EYS: variants seen among roughly 807,000 people sequenced by gnomAD.
The protein encoded by EYS is protein eyes shut homolog.
A neutral mutation model predicts 282.1 loss-of-function variants in EYS; 250 were observed. The observed-to-expected ratio is 0.89, with a 90% CI of 0.80 to 0.98. The LOEUF is 0.98. Ranked by LOEUF, EYS falls within the 50% of genes least tolerant of loss-of-function variation. EYS has a pLI of 0.00. For synonymous variants in EYS, 1,355 were observed against 1,282.9 expected (o/e 1.06, Z -1.20); for missense variants, 4,016 against 3,709.0 (o/e 1.08, Z -2.15).
intron 14 of EYS, among the ~76,000 whole-genome samples, chr6:64,956,370 G>T (rs1769700799): frequency 6.6e-6 from 1 of 152,100 alleles, no homozygotes; most frequent in Admixed American, 6.5e-5. Context: ...AATGGTGCTG[G>T]GAAAGCTGGA....
chr6:64,098,397 G>C (rs1191885616), intron 31 of EYS, among the ~76,000 whole-genome samples: 1 of 151,938 alleles, frequency 6.6e-6, no homozygotes, highest in Admixed American at 6.5e-5. Flanking sequence ...TTGAGCAAAA[G>C]GAGCAAGCTG....
chr6:64,649,349 T>A (rs1170540715), intron 22 of EYS, among the ~76,000 whole-genome samples: 1 of 151,894 alleles, frequency 6.6e-6, no homozygotes, highest in Non-Finnish European at 1.5e-5. Context: ...ACTGCCTTTT[T>A]TTTTTGAGAT....
At chr6:64,593,371 T>C in intron 24 of EYS, 62 bp from the exon 25 acceptor site, 4 of 1,363,300 alleles carry the variant, frequency 2.9e-6, no homozygotes, top group Non-Finnish European at 4.0e-6. Flanking sequence ...AGAGAAATTG[T>C]AAAGTTTGTT....
intron 21 of EYS, among the ~76,000 whole-genome samples, chr6:64,819,388 A>G (rs1436295080): frequency 6.6e-6 from 1 of 152,132 alleles, no homozygotes; most frequent in Non-Finnish European, 1.5e-5. Context: ...CAATTATTCT[A>G]GATAGTACTG....
chr6:64,111,672 G>A (rs1343743288), intron 31 of EYS, among the ~76,000 whole-genome samples: 1 of 151,922 alleles, frequency 6.6e-6, no homozygotes, highest in Non-Finnish European at 1.5e-5. Context: ...GTAAAGTGGT[G>A]GCCATGAATT....
intron 2 of EYS, among the ~76,000 whole-genome samples, chr6:65,633,713 C>G (rs1766997704): frequency 6.6e-6 from 1 of 152,166 alleles, no homozygotes; most frequent in Admixed American, 6.6e-5. Context: ...ACAAACTGGC[C>G]CTTTTCCAAT....
chr6:64,357,653 TG>T (rs2150406893), intron 29 of EYS, among the ~76,000 whole-genome samples: 1 of 151,690 alleles, frequency 6.6e-6, no homozygotes, highest in South Asian at 2.1e-4. Flanking sequence ...TATGTAATAC[TG>T]GGGCCAGGAA....
At chr6:64,492,171 T>C (rs908109065) in intron 26 of EYS, among the ~76,000 whole-genome samples, 1 of 151,194 alleles carries the variant, frequency 6.6e-6, no homozygotes, top group Non-Finnish European at 1.5e-5. Context: ...GAGTATGTAA[T>C]TGCTACATCA....
At chr6:65,457,105 T>C (rs1247464381) in intron 5 of EYS, among the ~76,000 whole-genome samples, 1 of 152,204 alleles carries the variant, frequency 6.6e-6, no homozygotes, top group African/African-American at 2.4e-5. Context: ...AATTAATTGC[T>C]GATAGAAGAC....
chr6:64,738,309 A>G (rs1772253258), intron 22 of EYS, among the ~76,000 whole-genome samples: 1 of 152,138 alleles, frequency 6.6e-6, no homozygotes, highest in Non-Finnish European at 1.5e-5. Flanking sequence ...CTGACTGTTT[A>G]AAAGAGGCTG....
At chr6:65,051,093 G>C (rs888589393) in intron 13 of EYS, among the ~76,000 whole-genome samples, 4 of 151,508 alleles carry the variant, frequency 2.6e-5, no homozygotes, top group Admixed American at 1.3e-4. Flanking sequence ...CGTAGCTTTA[G>C]CAGAATGACA....
chr6:64,620,627 A>C (rs182109568), intron 23 of EYS, among the ~76,000 whole-genome samples: 3 of 152,340 alleles, frequency 2.0e-5, no homozygotes. Context: ...ATAGGTGCTT[A>C]TTCTGGTGTG....
intron 26 of EYS, among the ~76,000 whole-genome samples, chr6:64,456,812 AT>A (rs528763923): frequency 1.1e-3 from 172 of 152,150 alleles, no homozygotes; most frequent in Non-Finnish European, 2.0e-3. Context: ...ATTTCCCATT[AT>A]TAAAAAAACA....
intron 12 of EYS, among the ~76,000 whole-genome samples, chr6:65,095,677 A>T (rs1274517876): frequency 2.0e-5 from 3 of 150,860 alleles, no homozygotes; most frequent in Non-Finnish European, 4.5e-5. Context: ...TCTTTTCGTT[A>T]ACAGAATGAA....
Position 64,912,589 on chromosome 6 carries a change from A to G in EYS, c.2536T>C (p.Cys846Arg). The change falls in exon 16 of 43, where the codon TGC becomes CGC. Residue 846 changes from cysteine (C) to arginine (R), a missense_variant. Transcript: ENST00000503581. ...TCACAAAGGTTATAGCGTTGGTGGC[A>G]AAATTGTCCAGTATAAAGGGGTGGG... ...LCPPLYTGQF[C>R]HQRYNLCDLL... 1 of 1,551,278 alleles carries G rather than the reference A, an allele frequency of 6.4e-7. No homozygotes were observed.
chr6:65,322,523 G>A (rs1300536489), intron 11 of EYS, among the ~76,000 whole-genome samples: 4 of 152,018 alleles, frequency 2.6e-5, no homozygotes, highest in African/African-American at 4.8e-5. Flanking sequence ...CAGGACGGGC[G>A]CAGTGGCTCA....
chr6:65,648,474 A>G (rs1267512084), intron 1 of EYS, among the ~76,000 whole-genome samples: 1 of 152,134 alleles, frequency 6.6e-6, no homozygotes, highest in Non-Finnish European at 1.5e-5. Flanking sequence ...CAAACATCGT[A>G]TGTTCTCATT....
At chr6:64,763,294 T>C (rs1235815233) in intron 22 of EYS, among the ~76,000 whole-genome samples, 2 of 152,170 alleles carry the variant, frequency 1.3e-5, no homozygotes, top group African/African-American at 2.4e-5. Context: ...TTCTACAGGC[T>C]TAACAGGAAG....
chr6:63,944,897 G>A (rs184973378), intron 35 of EYS, among the ~76,000 whole-genome samples: 24 of 152,114 alleles, frequency 1.6e-4, no homozygotes, highest in African/African-American at 5.1e-4. Context: ...TCGTGTCACC[G>A]CACTCCAGCC....
Sources: gnomAD v4.1 joint callset for allele counts (sites outside exome capture counted in the v4.1 genomes callset) on GRCh38, gnomAD v4.1.1 for gene constraint, MANE v1.5 for transcripts, NCBI Gene and HGNC (gene_info 2026-07-23, HGNC 2026-07-21) for gene names.